Variants in IPCEF1 observed in about 807,000 individuals in gnomAD.
The protein encoded by IPCEF1 is interactor protein for cytohesin exchange factors 1.
A neutral mutation model predicts 50.9 loss-of-function variants in IPCEF1; 31 were observed. The observed-to-expected ratio is 0.61, with a 90% CI of 0.46 to 0.82. The LOEUF is 0.82. Ranked by LOEUF, IPCEF1 falls within the 40% of genes least tolerant of loss-of-function variation. The pLI, the probability that IPCEF1 is intolerant of heterozygous loss-of-function variation, is 0.00. For synonymous variants in IPCEF1, 181 were observed against 192.0 expected (o/e 0.94, Z 0.47); for missense variants, 458 against 514.0 (o/e 0.89, Z 1.05).
intron 11 of IPCEF1, among the ~76,000 whole-genome samples, chr6:154,161,830 G>A (rs72999438): frequency 0.023 from 3,513 of 152,210 alleles, 59 homozygotes; most frequent in Non-Finnish European, 0.036. Flanking sequence ...CTATCCCCAG[G>A]ACAGCATGTG....
In IPCEF1 at chr6:154,246,690, C is replaced by T; in HGVS notation, c.147G>A (p.Leu49=). Residue 49 remains leucine, a synonymous_variant, in exon 5 of 12, where the codon CTG becomes CTA. Transcript: ENST00000367220. ...AACTTCCCTTTTCCTTTTTCTTATACAGCCACCCTTGGCAGTCAGCATGGC... is the reference window on the plus strand; with the variant it reads ...AACTTCCCTTTTCCTTTTTCTTATATAGCCACCCTTGGCAGTCAGCATGGC... ...DLGHADCQGW[L]YKKKEKGSFL... is the part of the protein sequence containing the mutation. The T allele has an allele frequency of 1.2e-6, 2 of 1,614,084 alleles. No individual in the cohort carries two copies. The highest frequency in any genetic ancestry group is 1.7e-6 in the Non-Finnish European group (2 of 1,179,980).
At chr6:154,291,109 G>C (rs1052620486) in intron 1 of IPCEF1, among the ~76,000 whole-genome samples, 3 of 151,990 alleles carry the variant, frequency 2.0e-5, no homozygotes, top group Admixed American at 6.6e-5. Flanking sequence ...GGTCAGGCTG[G>C]TCTTGAACTC....
chr6:154,196,638 A>G (rs1776645862), intron 10 of IPCEF1, among the ~76,000 whole-genome samples: 1 of 152,244 alleles, frequency 6.6e-6, no homozygotes, highest in Non-Finnish European at 1.5e-5. Context: ...TTACTATCAC[A>G]CAGGCATAAG....
At chr6:154,212,935 A>G (rs1180740998) in intron 8 of IPCEF1, 80 bp from the exon 9 acceptor site, 1 of 952,566 alleles carries the variant, frequency 1.0e-6, no homozygotes, top group East Asian at 2.6e-5. Flanking sequence ...GTTTATCTCC[A>G]TCTGGCTATT....
intron 10 of IPCEF1, among the ~76,000 whole-genome samples, chr6:154,177,575 A>G (rs541976055): frequency 1.4e-3 from 215 of 152,356 alleles, no homozygotes; most frequent in African/African-American, 5.1e-3. Context: ...AATGCAAATC[A>G]AAACCACAAT....
chr6:154,165,821 G>C (rs1799382545), intron 11 of IPCEF1, among the ~76,000 whole-genome samples: 1 of 152,348 alleles, frequency 6.6e-6, no homozygotes, highest in Non-Finnish European at 1.5e-5. Flanking sequence ...TGTGTTGCTT[G>C]CTCTGAAAGA....
intron 2 of IPCEF1, among the ~76,000 whole-genome samples, chr6:154,288,759 A>C (rs949893592): frequency 2.1e-5 from 3 of 145,704 alleles, no homozygotes; most frequent in South Asian, 2.2e-4. Flanking sequence ...GTTGTGTTTC[A>C]TCTTTGGAAA....
At chr6:154,182,518 G>A (rs1182573673) in intron 10 of IPCEF1, among the ~76,000 whole-genome samples, 1 of 151,922 alleles carries the variant, frequency 6.6e-6, no homozygotes, top group Non-Finnish European at 1.5e-5. Flanking sequence ...CCAAATATAG[G>A]AGCACCCAGG....
intron 1 of IPCEF1, among the ~76,000 whole-genome samples, chr6:154,332,644 T>C (rs909409956): frequency 6.6e-6 from 1 of 152,198 alleles, no homozygotes; most frequent in African/African-American, 2.4e-5. Flanking sequence ...ACATCTCCTA[T>C]GCTAATTAAG....
intron 11 of IPCEF1, among the ~76,000 whole-genome samples, chr6:154,162,708 T>G (rs980456610): frequency 4.0e-5 from 6 of 148,180 alleles, no homozygotes; most frequent in Non-Finnish European, 9.0e-5. Flanking sequence ...GCTCTATCTA[T>G]GTTCATGCTG....
intron 10 of IPCEF1, among the ~76,000 whole-genome samples, chr6:154,192,326 G>A (rs9397180): frequency 1.8e-5 from 1 of 54,508 alleles, no homozygotes; most frequent in Non-Finnish European, 4.4e-5. Flanking sequence ...TACTGTGTGT[G>A]TGTGTGTGTG....
At chr6:154,322,707 C>T (rs1348990853) in intron 1 of IPCEF1, among the ~76,000 whole-genome samples, 2 of 151,858 alleles carry the variant, frequency 1.3e-5, no homozygotes, top group African/African-American at 4.8e-5. Context: ...CATGGTGGTG[C>T]ATGTCTGTAA....
intron 4 of IPCEF1, 129 bp downstream of exon 4, chr6:154,247,320 A>G (rs1781138037): frequency 1.4e-6 from 1 of 694,198 alleles, no homozygotes. Context: ...CCAAAAATTA[A>G]TCTGCCGTCC....
At position 154,168,988 on chromosome 6, in the gene IPCEF1, G is replaced by A. The variant is rs1799657537; in HGVS notation, c.911-875C>T. Among the ~76,000 whole-genome samples, 1 of 152,002 alleles carries A rather than the reference G, an allele frequency of 6.6e-6. No individual in the cohort carries two copies. Among genetic ancestry groups the A allele is most frequent in the Non-Finnish European group, 1.5e-5 (1 of 67,994 alleles). ...TCCTAAATTCATGTGTTTCTCACGTGCAATATATTCACCTCATCCCAACAA... is the reference window on the plus strand; with the variant it reads ...TCCTAAATTCATGTGTTTCTCACGTACAATATATTCACCTCATCCCAACAA... On this transcript the variant is annotated intron_variant, in intron 10 of 11. Transcript: ENST00000367220. This position sits in a 1 kb window ranked among gnomAD's most constrained non-coding sequence, Gnocchi z 4.1.
At chr6:154,181,982 G>A (rs1052491132) in intron 10 of IPCEF1, among the ~76,000 whole-genome samples, 10 of 152,086 alleles carry the variant, frequency 6.6e-5, no homozygotes, top group East Asian at 1.9e-4. Flanking sequence ...AAGGTGAGGC[G>A]ATTTTAAAAG....
intron 7 of IPCEF1, among the ~76,000 whole-genome samples, chr6:154,216,209 A>T (rs1314786553): frequency 3.3e-5 from 5 of 152,228 alleles, no homozygotes; most frequent in Non-Finnish European, 7.3e-5. Context: ...CAAAAAGAAA[A>T]AACATTAATA....
intron 3 of IPCEF1, 61 bp from the exon 4 acceptor site, chr6:154,247,549 G>A: frequency 6.9e-7 from 1 of 1,441,248 alleles, no homozygotes; most frequent in Non-Finnish European, 9.7e-7. Flanking sequence ...CATTTGTAAA[G>A]AGAGAAGGAG....
intron 3 of IPCEF1, among the ~76,000 whole-genome samples, chr6:154,264,974 T>C (rs948437374): frequency 1.4e-4 from 22 of 152,316 alleles, no homozygotes; most frequent in Non-Finnish European, 3.1e-4. Flanking sequence ...AGGAAGTCTA[T>C]ACTTTAGCCT....
chr6:154,239,265 A>G (rs1227921235), intron 5 of IPCEF1, among the ~76,000 whole-genome samples: 2 of 152,210 alleles, frequency 1.3e-5, no homozygotes, highest in Admixed American at 6.5e-5. Context: ...GCCCATCCCA[A>G]CTACAGATAA....
Sources: allele counts gnomAD v4.1 joint callset (sites outside exome capture counted in the v4.1 genomes callset), GRCh38; gene constraint gnomAD v4.1.1; non-coding constraint Gnocchi (gnomAD v3.1); transcripts MANE v1.5; gene names NCBI Gene and HGNC (gene_info 2026-07-23, HGNC 2026-07-21).